Variants in VEPH1 observed in about 807,000 individuals in gnomAD.
VEPH1 encodes the protein ventricular zone expressed PH domain containing 1.
Under a neutral mutation model 85.2 loss-of-function variants are expected in VEPH1, and 80 were observed. The ratio of observed to expected loss-of-function variants is 0.94; its 90% CI spans 0.78 to 1.13. The LOEUF (loss-of-function observed/expected upper bound fraction) is 1.13, where lower values mean the gene tolerates loss of function less well. Among genes scored for constraint, VEPH1 ranks in the 50% most tolerant of loss-of-function variants. The pLI, the probability that VEPH1 is intolerant of heterozygous loss-of-function variation, is 0.00. For missense variants in VEPH1, 955 were observed against 980.5 expected, an observed-to-expected ratio of 0.97 and a Z score of 0.35; for synonymous variants, 297 against 348.0, an observed-to-expected ratio of 0.85 and a Z score of 1.63.
chr3:157,290,668 T>TA (rs925270032), intron 11 of VEPH1, among the ~76,000 whole-genome samples: 2 of 151,946 alleles, frequency 1.3e-5, no homozygotes, highest in East Asian at 1.9e-4. Context: ...TTCATTGATG[T>TA]AAAAAAAAGG....
At chr3:157,320,018 C>G (rs1356124533) in intron 9 of VEPH1, among the ~76,000 whole-genome samples, 1 of 152,042 alleles carries the variant, frequency 6.6e-6, no homozygotes, top group African/African-American at 2.4e-5. Context: ...AAAATTCTCC[C>G]CATGACATTA....
chr3:157,371,479 T>C (rs1727479046), intron 7 of VEPH1, among the ~76,000 whole-genome samples: 1 of 152,200 alleles, frequency 6.6e-6, no homozygotes, highest in Non-Finnish European at 1.5e-5. Context: ...CTTTTCCTAC[T>C]CAAAGTGAGA....
At chr3:157,401,275 G>A (rs1212207887) in intron 6 of VEPH1, among the ~76,000 whole-genome samples, 3 of 152,072 alleles carry the variant, frequency 2.0e-5, no homozygotes, top group Non-Finnish European at 2.9e-5. Flanking sequence ...AAGGCTGATT[G>A]TATTTGAACT....
intron 3 of VEPH1, among the ~76,000 whole-genome samples, chr3:157,466,918 T>G (rs939794154): frequency 2.0e-5 from 3 of 152,218 alleles, no homozygotes; most frequent in Non-Finnish European, 4.4e-5. Context: ...GTATTGAGTT[T>G]CCTCAATACA....
chr3:157,411,849 CA>C (rs757759963), intron 6 of VEPH1, among the ~76,000 whole-genome samples: 40 of 152,252 alleles, frequency 2.6e-4, no homozygotes, highest in Admixed American at 7.2e-4. Context: ...CAAGTGTCAC[CA>C]AATGAACTGT....
intron 9 of VEPH1, among the ~76,000 whole-genome samples, chr3:157,322,931 A>C (rs1021440584): frequency 1.3e-5 from 2 of 152,250 alleles, no homozygotes; most frequent in Non-Finnish European, 2.9e-5. Context: ...GCTTTCCAAA[A>C]GTAGGTAAAA....
chr3:157,424,186 ATCAGGGGTT>A (rs1732571845), intron 5 of VEPH1, among the ~76,000 whole-genome samples: 1 of 152,144 alleles, frequency 6.6e-6, no homozygotes, highest in South Asian at 2.1e-4. Flanking sequence ...TGATGGTTTT[ATCAGGGGTT>A]TCCACTTTTG....
rs560776381 is a variant in VEPH1, at chr3:157,503,086, C to T, written c.-158+191G>A. 6.6e-5 allele frequency among the ~76,000 whole-genome samples: 10 copies of T among 152,202 alleles called. No individual in the cohort carries two copies. In the South Asian group the frequency reaches 1.0e-3, roughly 16 times the overall value. On this transcript the variant is annotated intron_variant, in intron 1 of 13. Transcript: ENST00000362010. Reference sequence around the variant, plus strand: ...GAAGTGGCATTTTTACTCTAATAACCGAAATGCCTGCATACATGGCTAGAC... The same window carrying T: ...GAAGTGGCATTTTTACTCTAATAACTGAAATGCCTGCATACATGGCTAGAC...
intron 5 of VEPH1, among the ~76,000 whole-genome samples, chr3:157,415,741 ATT>A (rs550402630): frequency 6.6e-6 from 1 of 152,054 alleles, no homozygotes; most frequent in Non-Finnish European, 1.5e-5. Flanking sequence ...ATTATGATGA[ATT>A]TTTTTTAAAA....
At chr3:157,386,180 C>T (rs1729265786) in intron 6 of VEPH1, among the ~76,000 whole-genome samples, 1 of 137,590 alleles carries the variant, frequency 7.3e-6, no homozygotes, top group Middle Eastern at 4.1e-3. Flanking sequence ...TGGATAATGT[C>T]TACCAAACAG....
At chr3:157,313,564 G>A in intron 11 of VEPH1, 57 bp downstream of exon 11, 1 of 1,570,922 alleles carries the variant, frequency 6.4e-7, no homozygotes, top group Non-Finnish European at 8.7e-7. Flanking sequence ...AAGGGAAACT[G>A]TTTCAAGACA....
At chr3:157,294,141 C>CT (rs1717849372) in intron 11 of VEPH1, among the ~76,000 whole-genome samples, 1 of 152,100 alleles carries the variant, frequency 6.6e-6, no homozygotes, top group South Asian at 2.1e-4. Flanking sequence ...TTTGGAGAGG[C>CT]TTTTTTTCCT....
Position 157,298,858 on chromosome 3 carries a change from C to A in VEPH1, c.2011-12184G>T, listed in dbSNP as rs1385545354. ...CCTAAGGGGGAAAGGGTAATATGTC[C>A]CTACAACCAACATTTTTCCAATCCA... On this transcript the variant is annotated intron_variant, in intron 11 of 13. Coordinates refer to ENST00000362010, the MANE Select transcript of VEPH1 (RefSeq NM_001167912.2). 2.0e-5 allele frequency among the ~76,000 whole-genome samples: 3 copies of A among 152,020 alleles called. No individual in the cohort carries two copies. In the East Asian group the frequency reaches 5.8e-4, roughly 29 times the overall value.
chr3:157,389,307 G>A (rs1008973969), intron 6 of VEPH1, among the ~76,000 whole-genome samples: 8 of 151,920 alleles, frequency 5.3e-5, no homozygotes, highest in Non-Finnish European at 1.0e-4. Flanking sequence ...ATACTTGGGG[G>A]ACACTTTAAA....
chr3:157,423,901 A>T (rs1732539893), intron 5 of VEPH1, among the ~76,000 whole-genome samples: 1 of 152,018 alleles, frequency 6.6e-6, no homozygotes, highest in South Asian at 2.1e-4. Context: ...TCCAGTCTTC[A>T]CTTAAGCATT....
At chr3:157,492,053 A>G (rs1208268696) in intron 2 of VEPH1, among the ~76,000 whole-genome samples, 1 of 152,136 alleles carries the variant, frequency 6.6e-6, no homozygotes, top group Non-Finnish European at 1.5e-5. Flanking sequence ...TGCAGAAACA[A>G]GATTGTCCTT....
intron 11 of VEPH1, among the ~76,000 whole-genome samples, chr3:157,304,176 G>A (rs936775840): frequency 1.3e-5 from 2 of 151,488 alleles, no homozygotes; most frequent in Non-Finnish European, 2.9e-5. Flanking sequence ...AAGTCTCCTT[G>A]GGTTCCACCC....
intron 11 of VEPH1, among the ~76,000 whole-genome samples, chr3:157,296,663 CA>C (rs1718180598): frequency 6.6e-6 from 1 of 152,156 alleles, no homozygotes; most frequent in African/African-American, 2.4e-5. Context: ...ATGCTGACAC[CA>C]AGTTCTGTCT....
intron 13 of VEPH1, 75 bp from the exon 14 acceptor site, chr3:157,261,445 T>C: frequency 8.9e-6 from 14 of 1,564,978 alleles, no homozygotes; most frequent in Non-Finnish European, 1.1e-5. Flanking sequence ...TGGAGAACTT[T>C]CTAAGAGGGC....
Sources: allele counts gnomAD v4.1 joint callset (sites outside exome capture counted in the v4.1 genomes callset), GRCh38; gene constraint gnomAD v4.1.1; transcripts MANE v1.5; gene names NCBI Gene and HGNC (gene_info 2026-07-23, HGNC 2026-07-21).